SDF2: variants seen among roughly 807,000 people sequenced by gnomAD.
SDF2 encodes stromal cell-derived factor 2.
A neutral mutation model predicts 20.5 loss-of-function variants in SDF2; 12 were observed. The observed-to-expected ratio is 0.58, with a 90% CI of 0.37 to 0.95. SDF2 has a LOEUF of 0.95. SDF2 is among the 40% of genes least tolerant of loss of function. SDF2 has a pLI of 0.01. For missense variants in SDF2, 238 were observed against 263.1 expected, an observed-to-expected ratio of 0.90 and a Z score of 0.66; for synonymous variants, 100 against 101.0, an observed-to-expected ratio of 0.99 and a Z score of 0.06.
chr17:28,658,345 G>A (rs961770823), intron 1 of SDF2, among the ~76,000 whole-genome samples: 6 of 151,810 alleles, frequency 4.0e-5, no homozygotes, highest in African/African-American at 1.5e-4. Context: ...GTGGAGAGAA[G>A]GTCAGCAGAT....
chr17:28,650,007 C>T (rs1385252150), intron 2 of SDF2, among the ~76,000 whole-genome samples: 3 of 151,986 alleles, frequency 2.0e-5, no homozygotes, highest in Non-Finnish European at 2.9e-5. Flanking sequence ...GGCTGGAGTG[C>T]AATGGCGCAA....
chr17:28,654,531 C>T (rs1379375477), intron 2 of SDF2, among the ~76,000 whole-genome samples: 1 of 152,122 alleles, frequency 6.6e-6, no homozygotes, highest in African/African-American at 2.4e-5. Flanking sequence ...TAAAACAAAG[C>T]CGGCTGGGTG....
intron 2 of SDF2, among the ~76,000 whole-genome samples, chr17:28,650,170 T>C (rs2071901571): frequency 6.6e-6 from 1 of 152,038 alleles, no homozygotes; most frequent in Admixed American, 6.5e-5. Context: ...CAGGCTGGTT[T>C]CGAATTCCCA....
chr17:28,655,052 C>A (rs988699904), intron 2 of SDF2, among the ~76,000 whole-genome samples: 1 of 152,028 alleles, frequency 6.6e-6, no homozygotes, highest in Non-Finnish European at 1.5e-5. Context: ...CTTGCTTGAA[C>A]CCAGAGGCGG....
At chr17:28,655,221 C>G (rs2071950362) in intron 2 of SDF2, 66 bp downstream of exon 2, 2 of 1,449,914 alleles carry the variant, frequency 1.4e-6, no homozygotes, top group Admixed American at 1.7e-5. Flanking sequence ...ATTTAAGAAC[C>G]AAGAGATCAA....
upstream of SDF2, chr17:28,662,085 C>T: frequency 2.1e-6 from 1 of 486,116 alleles, no homozygotes; most frequent in Non-Finnish European, 3.6e-6. Flanking sequence ...TGACAGCTGC[C>T]TTCCTGAGCC....
intron 1 of SDF2, among the ~76,000 whole-genome samples, chr17:28,660,001 G>A (rs2072008379): frequency 6.6e-6 from 1 of 152,262 alleles, no homozygotes; most frequent in South Asian, 2.1e-4. Flanking sequence ...CACCTCGGGA[G>A]GCTGAGGCAG....
chr17:28,660,264 G>A (rs1004926308), intron 1 of SDF2, among the ~76,000 whole-genome samples: 4 of 152,186 alleles, frequency 2.6e-5, no homozygotes, highest in African/African-American at 4.8e-5. Flanking sequence ...AGAGGGAGAC[G>A]GAGAGGGCTA....
At position 28,648,845 on chromosome 17, in the gene SDF2, C is replaced by T. The variant is rs1308265642; in HGVS notation, c.*144G>A. ...AATGTGCAGGGCTGAAGCTTCCAAA[C>T]ACAGCCACTATTTTCTGTTGTATAT... On this transcript the variant is annotated 3_prime_UTR_variant, in exon 3 of 3. Coordinates refer to ENST00000247020, the MANE Select transcript of SDF2 (RefSeq NM_006923.4). 1.2e-6 allele frequency: 1 copy of T among 816,448 alleles called. No homozygotes were observed. Among genetic ancestry groups the T allele is most frequent in the Non-Finnish European group, 1.9e-6 (1 of 517,802 alleles). The allele number at this position is 816,448 out of a possible 1,614,324, so 50.6% of individuals were successfully genotyped here. A position where few individuals can be genotyped will look rare whatever the true frequency, so the allele number is the denominator to read the frequency against.
intron 2 of SDF2, among the ~76,000 whole-genome samples, chr17:28,649,528 A>G (rs2071894391): frequency 6.6e-6 from 1 of 152,092 alleles, no homozygotes; most frequent in Non-Finnish European, 1.5e-5. Flanking sequence ...TGAGGTCAGG[A>G]GTTCAAGACC....
intron 2 of SDF2, among the ~76,000 whole-genome samples, chr17:28,652,509 C>T (rs556621206): frequency 7.4e-4 from 112 of 152,246 alleles, no homozygotes; most frequent in African/African-American, 2.6e-3. Context: ...GGGGTTTCAC[C>T]ATGTTAGCCA....
intron 2 of SDF2, among the ~76,000 whole-genome samples, chr17:28,654,565 A>C (rs1235876273): frequency 6.6e-6 from 1 of 152,114 alleles, no homozygotes; most frequent in African/African-American, 2.4e-5. Flanking sequence ...CTATAATCCC[A>C]ACACTTCCAG....
At chr17:28,650,472 CT>C (rs910535322) in intron 2 of SDF2, among the ~76,000 whole-genome samples, 3 of 148,352 alleles carry the variant, frequency 2.0e-5, no homozygotes, top group Non-Finnish European at 3.0e-5. Flanking sequence ...AACAGAATTT[CT>C]TTTTTTTTTC....
rs766996259 is a variant in SDF2, at chr17:28,649,008, G to A, written c.617C>T (p.Ala206Val). Residue 206 changes from alanine (A) to valine (V), a missense_variant, in exon 3 of 3, where the codon GCC (alanine) becomes GTC (valine). By Grantham distance (64) the Ala-to-Val change is moderately conservative. Transcript: ENST00000247020. ...CTAGATTCACAGCTCTGCATGGTGG[G>A]CTTCTGCCTTCAACAACTCACTGGG... ...MKPSELLKAE[A>V]HHAEL 1 of 1,614,072 alleles carries A rather than the reference G, an allele frequency of 6.2e-7. No homozygotes were observed. Among genetic ancestry groups the A allele is most frequent in the African/African-American group, 1.3e-5 (1 of 74,936 alleles).
At position 28,661,083 on chromosome 17, in the gene SDF2, T is replaced by TAAA. The variant is rs11385140; in HGVS notation, c.151+640_151+642dup. On this transcript the variant is annotated intron_variant, in intron 1 of 2. Coordinates refer to ENST00000247020, the MANE Select transcript of SDF2 (RefSeq NM_006923.4). ...TACTAAACATTTTAATTTCAAACGC[T>TAAA]AAAAAAAAAAAAAAAAAAAAGCAGT... 1,270 of 313,944 alleles carry TAAA rather than the reference T, an allele frequency of 4.0e-3. 10 individuals carry two copies. Among genetic ancestry groups the TAAA allele is most frequent in the African/African-American group, 0.01 (359 of 35,182 alleles). 19.4% of individuals were successfully genotyped at this position (313,944 alleles called of 1,614,324 possible). A position where few individuals can be genotyped will look rare whatever the true frequency, so the allele number is the denominator to read the frequency against.
At chr17:28,656,523 G>A (rs1188965608) in intron 1 of SDF2, among the ~76,000 whole-genome samples, 1 of 152,082 alleles carries the variant, frequency 6.6e-6, no homozygotes, top group South Asian at 2.1e-4. Context: ...GGGAGGTGGA[G>A]GTTGCAATGA....
chr17:28,648,854 TATTTTCTGTTGTATATCTTC>T lies in SDF2; in HGVS notation c.*115_*134del. 2.3e-6 allele frequency: 2 copies of T among 871,950 alleles called. No homozygotes were observed. The highest frequency in any genetic ancestry group is 3.6e-6 in the Non-Finnish European group (2 of 561,552). The allele number at this position is 871,950 out of a possible 1,614,324, so 54.0% of individuals were successfully genotyped here. A position where few individuals can be genotyped will look rare whatever the true frequency, so the allele number is the denominator to read the frequency against. Reference sequence around the variant, plus strand: ...GGCTGAAGCTTCCAAACACAGCCACTATTTTCTGTTGTATATCTTCATCTCAATGGTGACATGGCCACTGC... The same window carrying T: ...GGCTGAAGCTTCCAAACACAGCCACTATCTCAATGGTGACATGGCCACTGC... On this transcript the variant is annotated 3_prime_UTR_variant, in exon 3 of 3. Coordinates refer to ENST00000247020, the MANE Select transcript of SDF2 (RefSeq NM_006923.4).
chr17:28,658,339 A>T (rs1301200808), intron 1 of SDF2, among the ~76,000 whole-genome samples: 1 of 150,290 alleles, frequency 6.7e-6, no homozygotes, highest in African/African-American at 2.5e-5. Context: ...ATAATAGTGG[A>T]GAGAAGGTCA....
At chr17:28,652,425 C>T (rs980790928) in intron 2 of SDF2, among the ~76,000 whole-genome samples, 4 of 152,118 alleles carry the variant, frequency 2.6e-5, no homozygotes, top group African/African-American at 9.7e-5. Flanking sequence ...ATTCTCCTAC[C>T]TCGGCCTCCC....
Sources: allele counts gnomAD v4.1 joint callset (sites outside exome capture counted in the v4.1 genomes callset), GRCh38; gene constraint gnomAD v4.1.1; transcripts MANE v1.5; gene names NCBI Gene and HGNC (gene_info 2026-07-23, HGNC 2026-07-21).